LIMCH1: variants seen among roughly 807,000 people sequenced by gnomAD.
The protein encoded by LIMCH1 is LIM and calponin homology domains 1.
LIMCH1 carries 113 observed loss-of-function variants against 176.5 expected under a neutral mutation model. The ratio of observed to expected loss-of-function variants is 0.64; its 90% CI spans 0.55 to 0.75. The LOEUF (loss-of-function observed/expected upper bound fraction) is 0.75. Ranked by LOEUF, LIMCH1 falls within the 30% of genes least tolerant of loss-of-function variation. The probability of loss-of-function intolerance (pLI) is 0.00; values close to 1 mark genes in which losing one functional copy is unlikely to be tolerated. For missense variants in LIMCH1, 1,674 were observed against 1,814.9 expected, an observed-to-expected ratio of 0.92 and a Z score of 1.41; for synonymous variants, 619 against 645.9, an observed-to-expected ratio of 0.96 and a Z score of 0.63.
At chr4:41,595,930 G>T (rs1309085374) in intron 1 of LIMCH1, among the ~76,000 whole-genome samples, 2 of 151,610 alleles carry the variant, frequency 1.3e-5, no homozygotes, top group African/African-American at 4.9e-5. Flanking sequence ...CATGCCTGTG[G>T]TCCCAGCTAC....
chr4:41,431,189 G>A (rs917320393), intron 1 of LIMCH1, among the ~76,000 whole-genome samples: 6 of 152,160 alleles, frequency 3.9e-5, no homozygotes, highest in Admixed American at 2.6e-4. Flanking sequence ...AAATGATTAT[G>A]TAATCTGTTT....
intron 1 of LIMCH1, among the ~76,000 whole-genome samples, chr4:41,419,491 T>A (rs2060258211): frequency 6.6e-6 from 1 of 152,166 alleles, no homozygotes. Context: ...TAAGTTTTTT[T>A]TAATGCCTAC....
In LIMCH1 at chr4:41,617,402, C is replaced by T. The variant is rs2092203272; in HGVS notation, c.206-1786C>T. Among the ~76,000 whole-genome samples, 3 of 152,076 alleles carry T rather than the reference C, an allele frequency of 2.0e-5. No homozygotes were observed. In the South Asian group the frequency reaches 6.2e-4, roughly 32 times the overall value. On this transcript the variant is annotated intron_variant, in intron 5 of 31. Transcript: ENST00000503057. ...CTACAGTGTCTCTGAGCCTCTGTAC[C>T]CACCTTTATAAAATGGGATAGTATC...
intron 1 of LIMCH1, among the ~76,000 whole-genome samples, chr4:41,471,656 C>A (rs141115173): frequency 2.3e-3 from 353 of 152,246 alleles, no homozygotes; most frequent in South Asian, 7.3e-3. Context: ...TGGATTTGGC[C>A]GTGTCCATGT....
intron 3 of LIMCH1, 140 bp from the exon 4 acceptor site, chr4:41,605,754 C>A: frequency 3.3e-5 from 14 of 418,624 alleles, no homozygotes; most frequent in East Asian, 1.1e-4. Flanking sequence ...TTAATGGATA[C>A]CTCATGGGTG....
intron 1 of LIMCH1, among the ~76,000 whole-genome samples, chr4:41,390,004 A>G (rs2057018701): frequency 6.6e-6 from 1 of 151,860 alleles, no homozygotes; most frequent in African/African-American, 2.4e-5. Context: ...CTCTGCATTC[A>G]CCTTAAGGAA....
At chr4:41,684,731 T>C (rs1033302270) in intron 27 of LIMCH1, among the ~76,000 whole-genome samples, 2 of 152,104 alleles carry the variant, frequency 1.3e-5, no homozygotes, top group Admixed American at 1.3e-4. Context: ...TGAGAGCGTG[T>C]TCGCACTTAA....
At chr4:41,414,936 G>T (rs1356977980) in intron 1 of LIMCH1, among the ~76,000 whole-genome samples, 1 of 152,116 alleles carries the variant, frequency 6.6e-6, no homozygotes, top group Non-Finnish European at 1.5e-5. Flanking sequence ...ACCTTAGTTT[G>T]AGTCCAGGTC....
intron 1 of LIMCH1, among the ~76,000 whole-genome samples, chr4:41,471,355 T>G (rs2066933083): frequency 6.6e-6 from 1 of 152,176 alleles, no homozygotes; most frequent in African/African-American, 2.4e-5. Context: ...AATAAAAGCT[T>G]GAGGATGGTG....
At position 41,417,630 on chromosome 4, in the gene LIMCH1, C is replaced by T. The variant is rs528993735; in HGVS notation, c.96+56694C>T. On this transcript the variant is annotated intron_variant, in intron 1 of 26. Coordinates refer to the LIMCH1 transcript ENST00000313860. ...CCACCTCCTGGGCTCAAGTGATCCT[C>T]CCACCTCAGCCTCCCAAATAGCTGG... Among the ~76,000 whole-genome samples, 4 of 152,264 alleles carry T rather than the reference C, an allele frequency of 2.6e-5. No homozygotes were observed. In the South Asian group the frequency reaches 8.3e-4, roughly 32 times the overall value.
chr4:41,552,484 G>C (rs1216596409), intron 1 of LIMCH1, among the ~76,000 whole-genome samples: 2 of 151,908 alleles, frequency 1.3e-5, no homozygotes, highest in East Asian at 3.9e-4. Context: ...AAATGCCATC[G>C]CGTTACTTTG....
chr4:41,410,925 A>C (rs3923631), intron 1 of LIMCH1, among the ~76,000 whole-genome samples: 41,887 of 151,992 alleles, frequency 0.28, 6,611 homozygotes, highest in African/African-American at 0.42. Context: ...CTGCTAGCCC[A>C]TCCGGATAAA....
intron 7 of LIMCH1, among the ~76,000 whole-genome samples, chr4:41,621,390 T>G (rs909085226): frequency 9.9e-5 from 15 of 152,172 alleles, no homozygotes; most frequent in Non-Finnish European, 1.5e-4. Context: ...ATTTTTCTTA[T>G]AAAATAACCA....
chr4:41,670,929 G>T, intron 21 of LIMCH1: 4 of 1,398,490 alleles, frequency 2.9e-6, no homozygotes, highest in Non-Finnish European at 1.9e-6. Context: ...CAAAGAGCTA[G>T]TTCTTTTATA....
chr4:41,436,854 T>A (rs1223657393), intron 1 of LIMCH1, among the ~76,000 whole-genome samples: 1 of 152,136 alleles, frequency 6.6e-6, no homozygotes, highest in Non-Finnish European at 1.5e-5. Flanking sequence ...TAAAAACACA[T>A]GGTTTTTGTC....
intron 2 of LIMCH1, among the ~76,000 whole-genome samples, chr4:41,509,293 A>G (rs1444408133): frequency 2.6e-5 from 4 of 152,124 alleles, no homozygotes; most frequent in Admixed American, 2.0e-4. Flanking sequence ...AGATCTTCCA[A>G]CCCCTCTTCT....
At chr4:41,475,989 A>G (rs1186894871) in intron 1 of LIMCH1, among the ~76,000 whole-genome samples, 1 of 152,186 alleles carries the variant, frequency 6.6e-6, no homozygotes, top group Admixed American at 6.5e-5. Context: ...ATTTATTTTT[A>G]GAGACAAGGT....
intron 1 of LIMCH1, among the ~76,000 whole-genome samples, chr4:41,444,683 T>C (rs986227489): frequency 6.6e-6 from 1 of 152,116 alleles, no homozygotes; most frequent in Non-Finnish European, 1.5e-5. Flanking sequence ...CAACATGAGG[T>C]TCCATCAGCC....
chr4:41,541,352 C>G (rs145293090), intron 1 of LIMCH1, among the ~76,000 whole-genome samples: 1 of 152,128 alleles, frequency 6.6e-6, no homozygotes, highest in Non-Finnish European at 1.5e-5. Flanking sequence ...TGGGTACTGC[C>G]GCAGCAGGTG....
Sources: gnomAD v4.1 joint callset for allele counts (sites outside exome capture counted in the v4.1 genomes callset) on GRCh38, gnomAD v4.1.1 for gene constraint, MANE v1.5 for transcripts, NCBI Gene and HGNC (gene_info 2026-07-23, HGNC 2026-07-21) for gene names.